ARHGAP24: variants seen among roughly 807,000 people sequenced by gnomAD.
The protein encoded by ARHGAP24 is rho GTPase-activating protein 24.
In ARHGAP24, 50 loss-of-function variants were observed where a neutral mutation model predicts 76.4. That is an observed-to-expected ratio of 0.65 (90% confidence interval 0.52 to 0.83). ARHGAP24 has a LOEUF of 0.83. ARHGAP24 is among the 40% of genes least tolerant of loss of function. The pLI is 0.00. For synonymous variants in ARHGAP24, 345 were observed against 323.3 expected, an observed-to-expected ratio of 1.07 and a Z score of -0.72; for missense variants, 930 against 914.2, an observed-to-expected ratio of 1.02 and a Z score of -0.22.
At chr4:85,900,097 A>ATTG (rs1161700847) in intron 3 of ARHGAP24, among the ~76,000 whole-genome samples, 4 of 152,240 alleles carry the variant, frequency 2.6e-5, no homozygotes, top group African/African-American at 9.6e-5. Context: ...CCTGTGGTGC[A>ATTG]AAGTAAAATT....
At chr4:85,888,970 G>A (rs1733729611) in intron 3 of ARHGAP24, among the ~76,000 whole-genome samples, 2 of 151,944 alleles carry the variant, frequency 1.3e-5, no homozygotes, top group Admixed American at 6.6e-5. Flanking sequence ...CTTTTTTATG[G>A]CTGCATAGTT....
At chr4:85,684,832 T>C (rs1425976638) in intron 2 of ARHGAP24, among the ~76,000 whole-genome samples, 1 of 152,094 alleles carries the variant, frequency 6.6e-6, no homozygotes, top group Non-Finnish European at 1.5e-5. Flanking sequence ...CAACAGAGAG[T>C]CTGAGAGTCA....
At chr4:85,862,947 T>C (rs1169265119) in intron 3 of ARHGAP24, among the ~76,000 whole-genome samples, 2 of 152,248 alleles carry the variant, frequency 1.3e-5, no homozygotes, top group Non-Finnish European at 2.9e-5. Context: ...CTCTCTCTCA[T>C]TCAGACATAT....
chr4:85,869,593 A>G (rs1732410666), intron 3 of ARHGAP24, among the ~76,000 whole-genome samples: 1 of 152,122 alleles, frequency 6.6e-6, no homozygotes, highest in African/African-American at 2.4e-5. Context: ...TTTGACACCT[A>G]CCTGATGAAC....
intron 2 of ARHGAP24, among the ~76,000 whole-genome samples, chr4:85,573,824 T>A (rs1727247120): frequency 6.6e-6 from 1 of 152,196 alleles, no homozygotes; most frequent in South Asian, 2.1e-4. Context: ...GTCACTTTCT[T>A]GCTTCTAGAT....
At chr4:85,630,819 T>C (rs1721134580) in intron 2 of ARHGAP24, among the ~76,000 whole-genome samples, 1 of 152,138 alleles carries the variant, frequency 6.6e-6, no homozygotes, top group Non-Finnish European at 1.5e-5. Context: ...TTTTTCTACA[T>C]TTCTATGCTG....
At chr4:85,837,287 T>C (rs1458294069) in intron 3 of ARHGAP24, among the ~76,000 whole-genome samples, 8 of 152,180 alleles carry the variant, frequency 5.3e-5, no homozygotes, top group Admixed American at 5.2e-4. Context: ...GCTAACTGGG[T>C]CATACAATCT....
intron 1 of ARHGAP24, among the ~76,000 whole-genome samples, chr4:85,566,963 G>A (rs1726875122): frequency 6.6e-6 from 1 of 152,190 alleles, no homozygotes; most frequent in Non-Finnish European, 1.5e-5. Context: ...GGATAAAGGA[G>A]CTTGGCTGTT....
At chr4:85,814,450 T>C (rs1404633568) in intron 3 of ARHGAP24, among the ~76,000 whole-genome samples, 2 of 152,160 alleles carry the variant, frequency 1.3e-5, no homozygotes, top group East Asian at 3.9e-4. Context: ...TAACTACAAC[T>C]GATCCAAGTG....
intron 3 of ARHGAP24, among the ~76,000 whole-genome samples, chr4:85,809,660 T>G (rs1728930648): frequency 6.6e-6 from 1 of 152,174 alleles, no homozygotes; most frequent in Non-Finnish European, 1.5e-5. Context: ...AGCATTCCAG[T>G]GAGGCAACCT....
At chr4:85,875,127 CTTATATATTATA>C (rs1183909597) in intron 3 of ARHGAP24, among the ~76,000 whole-genome samples, 1 of 33,858 alleles carries the variant, frequency 3.0e-5, no homozygotes, top group Non-Finnish European at 4.7e-5. Context: ...ATATATTTAT[CTTATATATTATA>C]TTATATATAA....
chr4:85,913,696 G>T (rs187409108), intron 3 of ARHGAP24, among the ~76,000 whole-genome samples: 26 of 152,216 alleles, frequency 1.7e-4, no homozygotes, highest in Admixed American at 1.6e-3. Flanking sequence ...TTGAATAAAT[G>T]AATGAATGCT....
At chr4:85,956,758 C>CCGA (rs1313566942) in intron 5 of ARHGAP24, among the ~76,000 whole-genome samples, 1 of 152,150 alleles carries the variant, frequency 6.6e-6, no homozygotes, top group Non-Finnish European at 1.5e-5. Flanking sequence ...AGGAGCACAG[C>CCGA]CGACACCCAG....
At chr4:86,000,348 T>C (rs1332728882) in intron 9 of ARHGAP24, 131 bp from the exon 10 acceptor site, 2 of 760,236 alleles carry the variant, frequency 2.6e-6, no homozygotes, top group South Asian at 1.6e-5. Flanking sequence ...GAAAGGGCTT[T>C]ATTCCAATTT....
intron 2 of ARHGAP24, among the ~76,000 whole-genome samples, chr4:85,626,086 G>T (rs1467124279): frequency 6.6e-6 from 1 of 152,144 alleles, no homozygotes; most frequent in African/African-American, 2.4e-5. Flanking sequence ...AGTTAATATT[G>T]TGATGTGTGA....
intron 1 of ARHGAP24, among the ~76,000 whole-genome samples, chr4:85,519,970 T>C (rs1049273341): frequency 6.6e-6 from 1 of 152,208 alleles, no homozygotes; most frequent in Non-Finnish European, 1.5e-5. Context: ...GTACTTGTTC[T>C]ATCCCTTATT....
intron 3 of ARHGAP24, among the ~76,000 whole-genome samples, chr4:85,727,454 G>A (rs1578176485): frequency 1.3e-5 from 2 of 152,166 alleles, no homozygotes; most frequent in East Asian, 3.9e-4. Context: ...TTGAAAGCAT[G>A]TTCTAAGGCT....
rs5860005 is a variant in ARHGAP24 at position 85,872,595 on chromosome 4, CT to C, written c.269-51031del. 8.5e-3 allele frequency among the ~76,000 whole-genome samples: 622 copies of C among 73,156 alleles called. 1 individual carries two copies. Among genetic ancestry groups the C allele is most frequent in the African/African-American group, 0.017 (283 of 16,910 alleles). The allele number at this position is 73,156 out of a possible 152,430, so 48.0% of individuals were successfully genotyped here. A position where few individuals can be genotyped will look rare whatever the true frequency, so the allele number is the denominator to read the frequency against. ...ATAGGCATGAGCCACTGCATCTGGC[CT>C]TTTTTTTTTTTTTTTTTTTTTGACA... On this transcript the variant is annotated intron_variant, in intron 3 of 9. Transcript: ENST00000395184.
chr4:85,989,385 C>T (rs1361679330), intron 8 of ARHGAP24, among the ~76,000 whole-genome samples: 2 of 151,504 alleles, frequency 1.3e-5, no homozygotes, highest in African/African-American at 2.4e-5. Flanking sequence ...CAATTGAATT[C>T]GTAGCTAAAA....
Sources: gnomAD v4.1 joint callset for allele counts (sites outside exome capture counted in the v4.1 genomes callset) on GRCh38, gnomAD v4.1.1 for gene constraint, MANE v1.5 for transcripts, NCBI Gene and HGNC (gene_info 2026-07-23, HGNC 2026-07-21) for gene names.